The following PPM1H variants were observed in gnomAD, a reference collection of about 807,000 sequenced individuals.
PPM1H encodes protein phosphatase 1H.
In PPM1H, 27 loss-of-function variants were observed where a neutral mutation model predicts 54.9. That is an observed-to-expected ratio of 0.49 (90% CI 0.36 to 0.68). The LOEUF (loss-of-function observed/expected upper bound fraction) is 0.68. Ranked by LOEUF, PPM1H falls within the 30% of genes least tolerant of loss-of-function variation. The pLI, the probability that PPM1H is intolerant of heterozygous loss-of-function variation, is 0.00. For synonymous variants in PPM1H, 305 were observed against 270.8 expected (o/e 1.13, Z -1.24); for missense variants, 596 against 667.8 (o/e 0.89, Z 1.19).
intron 2 of PPM1H, among the ~76,000 whole-genome samples, chr12:62,808,713 T>C (rs758459584): frequency 3.9e-5 from 6 of 152,074 alleles, no homozygotes; most frequent in African/African-American, 7.2e-5. Context: ...TCAGCTTAAA[T>C]ATCATCTCCT....
In PPM1H at chr12:62,811,535, A is replaced by G. The variant is rs531945244; in HGVS notation, c.412-9375T>C. ...AGTCTTAGTTCAAAGGACATCTGAT[A>G]TGGTGTGGCTGTGTCTCCACCCAAA... On this transcript the variant is annotated intron_variant, in intron 2 of 9. Coordinates refer to ENST00000228705, the MANE Select transcript of PPM1H (RefSeq NM_020700.2). 7.2e-5 allele frequency among the ~76,000 whole-genome samples: 11 copies of G among 152,254 alleles called. No individual in the cohort carries two copies. The South Asian group carries it at 2.3e-3, about 32-fold the overall frequency.
At chr12:62,907,271 A>G (rs1228050657) in intron 1 of PPM1H, among the ~76,000 whole-genome samples, 1 of 152,230 alleles carries the variant, frequency 6.6e-6, no homozygotes, top group Non-Finnish European at 1.5e-5. Flanking sequence ...CAGGCACTGC[A>G]GAGGGAGATT....
chr12:62,872,583 T>G (rs1870024719), intron 1 of PPM1H, among the ~76,000 whole-genome samples: 1 of 152,256 alleles, frequency 6.6e-6, no homozygotes, highest in African/African-American at 2.4e-5. Context: ...TAATGGATTT[T>G]ATATTCTAAA....
intron 2 of PPM1H, among the ~76,000 whole-genome samples, chr12:62,807,624 A>AATCCC (rs1717312763): frequency 6.6e-6 from 1 of 151,748 alleles, no homozygotes; most frequent in African/African-American, 2.4e-5. Context: ...GTTGTTTTTT[A>AATCCC]ATCCCTTGAA....
rs1223945385 is a variant in PPM1H, at chr12:62,646,118, TCTAA to T, written c.*2367_*2370del. On this transcript the variant is annotated 3_prime_UTR_variant, in exon 10 of 10. Coordinates refer to ENST00000228705, the MANE Select transcript of PPM1H (RefSeq NM_020700.2). ...CCTGAACACAAACTTGACTTTATCT[TCTAA>T]CTAAGATCTTTCCACTCAAGGGGGC... is the stretch of plus-strand genomic sequence containing the variant. The T allele has an allele frequency of 2.6e-5, 4 of 152,210 alleles. No individual in the cohort carries two copies. Among genetic ancestry groups the T allele is most frequent in the South Asian group, 4.1e-4 (2 of 4,834 alleles). 9.4% of individuals were successfully genotyped at this position (152,210 alleles called of 1,614,324 possible). A position where few individuals can be genotyped will look rare whatever the true frequency, so the allele number is the denominator to read the frequency against.
chr12:62,657,245 G>A (rs1271760766), intron 9 of PPM1H, among the ~76,000 whole-genome samples: 1 of 152,154 alleles, frequency 6.6e-6, no homozygotes, highest in Non-Finnish European at 1.5e-5. Flanking sequence ...CCTGGCCCTG[G>A]TTCCCTGGTT....
At chr12:62,745,437 A>C (rs2076405141) in intron 4 of PPM1H, among the ~76,000 whole-genome samples, 1 of 152,156 alleles carries the variant, frequency 6.6e-6, no homozygotes, top group African/African-American at 2.4e-5. Flanking sequence ...TTGAAGAGGA[A>C]CTGATTTGTC....
chr12:62,654,012 C>T (rs553481540), intron 9 of PPM1H, among the ~76,000 whole-genome samples: 10 of 151,928 alleles, frequency 6.6e-5, no homozygotes, highest in Middle Eastern at 6.8e-3. Flanking sequence ...GAGGTCAAGG[C>T]GGGTGGATTA....
At chr12:62,794,212 C>T (rs1346034420) in intron 3 of PPM1H, among the ~76,000 whole-genome samples, 2 of 152,272 alleles carry the variant, frequency 1.3e-5, no homozygotes, top group East Asian at 3.9e-4. Flanking sequence ...GAGAAACTTC[C>T]CGTTCTAACA....
At chr12:62,661,868 C>T (rs2075885928) in intron 9 of PPM1H, among the ~76,000 whole-genome samples, 1 of 152,238 alleles carries the variant, frequency 6.6e-6, no homozygotes, top group South Asian at 2.1e-4. Context: ...CCATAATTGT[C>T]TAATCTGCAG....
intron 5 of PPM1H, chr12:62,721,078 A>G (rs563525806): frequency 6.6e-6 from 1 of 152,374 alleles, no homozygotes; most frequent in South Asian, 2.1e-4. Flanking sequence ...AGCATGGTGG[A>G]ATGGATCTTC....
chr12:62,812,826 T>G (rs1428336219), intron 2 of PPM1H, among the ~76,000 whole-genome samples: 2 of 150,434 alleles, frequency 1.3e-5, no homozygotes, highest in African/African-American at 2.5e-5. Flanking sequence ...CTTGGGCCTT[T>G]CAACAAATAC....
chr12:62,813,358 C>T (rs1411724860), intron 2 of PPM1H, among the ~76,000 whole-genome samples: 3 of 152,146 alleles, frequency 2.0e-5, no homozygotes, highest in African/African-American at 2.4e-5. Flanking sequence ...AATTGGTCGG[C>T]GTGTAAGAGA....
chr12:62,915,319 G>A (rs1012133192), intron 1 of PPM1H, among the ~76,000 whole-genome samples: 1 of 152,212 alleles, frequency 6.6e-6, no homozygotes, highest in Non-Finnish European at 1.5e-5. Context: ...AGCGCCTGCA[G>A]CCCTCTGCCT....
chr12:62,689,013 A>C (rs2076069609), intron 8 of PPM1H, among the ~76,000 whole-genome samples: 1 of 152,186 alleles, frequency 6.6e-6, no homozygotes, highest in African/African-American at 2.4e-5. Flanking sequence ...AAAACAAAAC[A>C]AAACAACTGT....
chr12:62,807,074 G>A (rs2663961), intron 2 of PPM1H, among the ~76,000 whole-genome samples: 17,442 of 152,140 alleles, frequency 0.11, 1,239 homozygotes, highest in African/African-American at 0.2. Flanking sequence ...AGGGCCCTGC[G>A]GTAGAATGGG....
intron 1 of PPM1H, among the ~76,000 whole-genome samples, chr12:62,906,274 A>T (rs891880263): frequency 6.6e-6 from 1 of 152,264 alleles, no homozygotes; most frequent in Admixed American, 6.5e-5. Flanking sequence ...AAACTTAGGA[A>T]AGTAAACAGA....
At chr12:62,906,553 C>G (rs913266386) in intron 1 of PPM1H, among the ~76,000 whole-genome samples, 1 of 152,184 alleles carries the variant, frequency 6.6e-6, no homozygotes, top group African/African-American at 2.4e-5. Context: ...AGGTGCTTCT[C>G]TCTATGAACA....
chr12:62,830,358 C>T (rs1592622306), intron 2 of PPM1H, among the ~76,000 whole-genome samples: 2 of 152,236 alleles, frequency 1.3e-5, no homozygotes, highest in East Asian at 1.9e-4. Context: ...TGGGTTCACG[C>T]CATTCTTCTG....
Sources: gnomAD v4.1 joint callset for allele counts (sites outside exome capture counted in the v4.1 genomes callset) on GRCh38, gnomAD v4.1.1 for gene constraint, MANE v1.5 for transcripts, NCBI Gene and HGNC (gene_info 2026-07-23, HGNC 2026-07-21) for gene names.